AP1S3: variants seen among roughly 807,000 people sequenced by gnomAD.
AP1S3 encodes the protein AP-1 complex subunit sigma-3.
A neutral mutation model predicts 20.9 loss-of-function variants in AP1S3; 10 were observed. That is an observed-to-expected ratio of 0.48 (90% CI 0.29 to 0.81). AP1S3 has a LOEUF of 0.81. Among genes scored for constraint, AP1S3 ranks in the 30% least tolerant of loss-of-function variants. The pLI is 0.08. For synonymous variants in AP1S3, 41 were observed against 61.5 expected (o/e 0.67, Z 1.56); for missense variants, 154 against 183.8 (o/e 0.84, Z 0.94).
At chr2:223,770,531 C>CACACACACACACACA (rs3220046) in intron 3 of AP1S3, among the ~76,000 whole-genome samples, 1 of 147,262 alleles carries the variant, frequency 6.8e-6, no homozygotes, top group African/African-American at 2.6e-5. Context: ...CACACACACA[C>CACACACACACACACA]CCCTTGATAT....
intron 1 of AP1S3, among the ~76,000 whole-genome samples, chr2:223,801,262 AGTACCTT>A (rs1405568791): frequency 6.6e-6 from 1 of 152,206 alleles, no homozygotes; most frequent in Non-Finnish European, 1.5e-5. Context: ...AAAAAAGTTA[AGTACCTT>A]GTTCCAGATC....
intron 3 of AP1S3, among the ~76,000 whole-genome samples, chr2:223,767,075 T>C (rs140905668): frequency 1.3e-5 from 2 of 151,934 alleles, no homozygotes; most frequent in African/African-American, 4.8e-5. Context: ...GCAAAATACC[T>C]AATGTAGATG....
chr2:223,773,217 C>A lies in AP1S3; in HGVS notation c.291+2684G>T. 3.4e-6 allele frequency: 4 copies of A among 1,175,728 alleles called. No individual in the cohort carries two copies. The South Asian group carries it at 4.2e-5, about 12-fold the overall frequency. The allele number at this position is 1,175,728 out of a possible 1,614,324, so 72.8% of individuals were successfully genotyped here. On this transcript the variant is annotated intron_variant, in intron 3 of 4. Transcript: ENST00000396654. Reference sequence around the variant, plus strand: ...TTGAGATCAAAATTCAGCCCCAATTCACATTATCACAGTTGGTTTAATCTA... The same window carrying A: ...TTGAGATCAAAATTCAGCCCCAATTAACATTATCACAGTTGGTTTAATCTA...
intron 3 of AP1S3, among the ~76,000 whole-genome samples, chr2:223,768,450 G>A (rs547737356): frequency 1.3e-5 from 2 of 152,094 alleles, no homozygotes; most frequent in South Asian, 2.1e-4. Context: ...TCACTCCCCC[G>A]TACTGTGAGT....
At chr2:223,761,556 CTGGAATT>C (rs1690354646) in intron 4 of AP1S3, among the ~76,000 whole-genome samples, 1 of 152,182 alleles carries the variant, frequency 6.6e-6, no homozygotes, top group Admixed American at 6.5e-5. Context: ...TTCCGAGTAG[CTGGAATT>C]ACAGGTGTAC....
chr2:223,770,084 T>A, intron 3 of AP1S3: 1 of 1,440,426 alleles, frequency 6.9e-7, no homozygotes, highest in Non-Finnish European at 9.2e-7. Context: ...TAGAGGGACA[T>A]GTAAAAATAT....
At chr2:223,779,893 G>A (rs1005966569) in intron 1 of AP1S3, among the ~76,000 whole-genome samples, 5 of 152,102 alleles carry the variant, frequency 3.3e-5, no homozygotes, top group African/African-American at 1.2e-4. Context: ...CTTGAATCCA[G>A]GAGGCAGAGG....
chr2:223,787,348 A>T (rs988979341), intron 1 of AP1S3, among the ~76,000 whole-genome samples: 2 of 152,198 alleles, frequency 1.3e-5, no homozygotes, highest in African/African-American at 2.4e-5. Flanking sequence ...TGAATACAAG[A>T]AGAAATATTT....
chr2:223,832,131 CTCTCTG>C (rs1397259523), intron 1 of AP1S3, among the ~76,000 whole-genome samples: 7,458 of 114,612 alleles, frequency 0.065, 329 homozygotes, highest in East Asian at 0.17. Flanking sequence ...AAGGAGTTTT[CTCTCTG>C]TGTGTGTGTG....
At chr2:223,776,160 T>C (rs1690779783) in intron 2 of AP1S3, 151 bp from the exon 3 acceptor site, 3 of 711,464 alleles carry the variant, frequency 4.2e-6, no homozygotes, top group Non-Finnish European at 5.2e-6. Context: ...AATAGCCTCC[T>C]GAAATATAAA....
intron 1 of AP1S3, among the ~76,000 whole-genome samples, chr2:223,789,313 A>C (rs1441386816): frequency 6.6e-6 from 1 of 152,124 alleles, no homozygotes; most frequent in Non-Finnish European, 1.5e-5. Flanking sequence ...AAAGTTCTTA[A>C]AAGTTAAAAA....
At chr2:223,760,282 A>G (rs1336279239) in intron 4 of AP1S3, among the ~76,000 whole-genome samples, 1 of 152,218 alleles carries the variant, frequency 6.6e-6, no homozygotes, top group Non-Finnish European at 1.5e-5. Context: ...TCTTAAGCTT[A>G]AACTCCAGGG....
chr2:223,773,379 A>G, intron 3 of AP1S3: 1 of 1,302,064 alleles, frequency 7.7e-7, no homozygotes. Context: ...GGAAAGTACA[A>G]AAATGTGAGA....
At chr2:223,814,085 G>A (rs1691792967) in intron 1 of AP1S3, among the ~76,000 whole-genome samples, 1 of 152,148 alleles carries the variant, frequency 6.6e-6, no homozygotes, top group African/African-American at 2.4e-5. Context: ...CGTCAGATGT[G>A]CCCCAATATT....
intron 4 of AP1S3, among the ~76,000 whole-genome samples, chr2:223,763,575 T>C (rs994182899): frequency 6.6e-6 from 1 of 152,178 alleles, no homozygotes; most frequent in African/African-American, 2.4e-5. Context: ...TCCAAACCAC[T>C]GATTTCTCAA....
intron 1 of AP1S3, among the ~76,000 whole-genome samples, chr2:223,830,744 T>A (rs1692238225): frequency 6.6e-6 from 1 of 152,124 alleles, no homozygotes; most frequent in South Asian, 2.1e-4. Flanking sequence ...AACAAGGACA[T>A]TAAATACAGA....
intron 1 of AP1S3, among the ~76,000 whole-genome samples, chr2:223,836,036 T>C (rs1692386928): frequency 6.6e-6 from 1 of 152,222 alleles, no homozygotes; most frequent in Non-Finnish European, 1.5e-5. Flanking sequence ...CAGACAAAAA[T>C]GATGCCGCTA....
intron 1 of AP1S3, among the ~76,000 whole-genome samples, chr2:223,807,876 T>TC (rs1691624190): frequency 7.9e-6 from 1 of 126,942 alleles, no homozygotes; most frequent in South Asian, 2.8e-4. Context: ...TCTTTTTTTT[T>TC]TTTTTTTTTT....
intron 1 of AP1S3, among the ~76,000 whole-genome samples, chr2:223,821,007 G>A (rs781745930): frequency 5.9e-5 from 9 of 152,052 alleles, no homozygotes; most frequent in Non-Finnish European, 8.8e-5. Flanking sequence ...CCTATACACC[G>A]TGAGCCTCCC....
Sources: gnomAD v4.1 joint callset for allele counts (sites outside exome capture counted in the v4.1 genomes callset) on GRCh38, gnomAD v4.1.1 for gene constraint, MANE v1.5 for transcripts, NCBI Gene and HGNC (gene_info 2026-07-23, HGNC 2026-07-21) for gene names.